Variants in ATP9A observed in about 807,000 individuals in gnomAD.
ATP9A encodes ATPase phospholipid transporting 9A.
Under a neutral mutation model 144.1 loss-of-function variants are expected in ATP9A, and 52 were observed. That is an observed-to-expected ratio of 0.36 (90% CI 0.29 to 0.45). ATP9A has a LOEUF of 0.45. Among genes scored for constraint, ATP9A ranks in the 20% least tolerant of loss-of-function variants. The pLI is 1.00. For missense variants in ATP9A, 947 were observed against 1,392.7 expected (o/e 0.68, Z 5.09); for synonymous variants, 582 against 557.4 (o/e 1.04, Z -0.62).
chr20:51,637,415 G>A (rs1009740), intron 15 of ATP9A, among the ~76,000 whole-genome samples: 34,373 of 151,222 alleles, frequency 0.23, 4,364 homozygotes, highest in South Asian at 0.41. Flanking sequence ...CTAGGCACAG[G>A]AGACACGGGA....
At chr20:51,767,214 C>T (rs1470998018) in intron 1 of ATP9A, among the ~76,000 whole-genome samples, 1 of 152,078 alleles carries the variant, frequency 6.6e-6, no homozygotes, top group Non-Finnish European at 1.5e-5. Context: ...GGACCAGACG[C>T]CCGAGGAAGG....
At chr20:51,671,792 T>C (rs192620411) in intron 11 of ATP9A, among the ~76,000 whole-genome samples, 4 of 152,002 alleles carry the variant, frequency 2.6e-5, no homozygotes, top group Admixed American at 6.6e-5. Context: ...TACATTTCTA[T>C]GAATTTGACT....
At chr20:51,647,032 T>C (rs1183642998) in intron 14 of ATP9A, among the ~76,000 whole-genome samples, 2 of 151,968 alleles carry the variant, frequency 1.3e-5, no homozygotes, top group Admixed American at 6.6e-5. Context: ...GGCAGCGGAA[T>C]TGCTTGAACC....
intron 9 of ATP9A, among the ~76,000 whole-genome samples, chr20:51,684,329 A>C (rs2077512867): frequency 6.6e-6 from 1 of 152,214 alleles, no homozygotes; most frequent in East Asian, 1.9e-4. Context: ...AATTCTTACA[A>C]ATTATTTTTT....
At chr20:51,663,933 AAAAAT>A (rs1480765853) in intron 13 of ATP9A, among the ~76,000 whole-genome samples, 1 of 152,210 alleles carries the variant, frequency 6.6e-6, no homozygotes, top group Non-Finnish European at 1.5e-5. Context: ...TTGTGTGTAG[AAAAAT>A]AAATCACAAA....
At chr20:51,634,410 A>G (rs1402142251) in intron 15 of ATP9A, among the ~76,000 whole-genome samples, 1 of 152,162 alleles carries the variant, frequency 6.6e-6, no homozygotes, top group Non-Finnish European at 1.5e-5. Flanking sequence ...CACACTCAAG[A>G]TACGGTTTAG....
Position 51,695,989 on chromosome 20 carries a change from G to T in ATP9A, c.547+104C>A, listed in dbSNP as rs906614546. The T allele has an allele frequency of 1.3e-5, 14 of 1,071,342 alleles. No homozygotes were observed. In the Admixed American group the frequency reaches 2.4e-4, roughly 19 times the overall value. The allele number at this position is 1,071,342 out of a possible 1,614,324, so 66.4% of individuals were successfully genotyped here. A position where few individuals can be genotyped will look rare whatever the true frequency, so the allele number is the denominator to read the frequency against. Reference sequence around the variant, plus strand: ...AAGATGCTTTTGATTTGCCTCCATGGCTCCAAAATGATAATCTACTTTGTG... The same window carrying T: ...AAGATGCTTTTGATTTGCCTCCATGTCTCCAAAATGATAATCTACTTTGTG... On this transcript the variant is annotated intron_variant, in intron 6 of 27. Coordinates refer to ENST00000338821, the MANE Select transcript of ATP9A (RefSeq NM_006045.3).
chr20:51,617,477 G>A lies in ATP9A; in HGVS notation c.2415+13C>T. 2 of 1,606,896 alleles carry A rather than the reference G, an allele frequency of 1.2e-6. No homozygotes were observed. The highest frequency in any genetic ancestry group is 1.7e-6 in the Non-Finnish European group (2 of 1,176,636). ...TACAGCAAGTGGAGCCGAGCAGAGG[G>A]AAACACTCTCACCTTTCCTTCCACT... On this transcript the variant is annotated intron_variant, in intron 22 of 27. Transcript: ENST00000338821.
intron 22 of ATP9A, 109 bp from the exon 23 acceptor site, chr20:51,613,941 A>G: frequency 2.5e-6 from 3 of 1,205,618 alleles, no homozygotes; most frequent in African/African-American, 1.5e-5. Context: ...AAGAACTTCA[A>G]GAAAGAAATT....
At chr20:51,638,103 A>C (rs1181198032) in intron 15 of ATP9A, among the ~76,000 whole-genome samples, 1 of 74,426 alleles carries the variant, frequency 1.3e-5, no homozygotes, top group Non-Finnish European at 2.8e-5. Context: ...ATATATATAT[A>C]TATATATATA....
At chr20:51,639,170 G>C (rs1375610158) in intron 15 of ATP9A, among the ~76,000 whole-genome samples, 173 bp downstream of exon 15, 1 of 152,156 alleles carries the variant, frequency 6.6e-6, no homozygotes, top group African/African-American at 2.4e-5. Context: ...GAGTTACGGG[G>C]TGTGTCCAAT....
intron 9 of ATP9A, among the ~76,000 whole-genome samples, chr20:51,687,562 G>T (rs545967645): frequency 3.9e-4 from 59 of 152,236 alleles, no homozygotes; most frequent in Non-Finnish European, 7.6e-4. Flanking sequence ...CTGAGAGTTT[G>T]AGACCAGCCT....
intron 26 of ATP9A, among the ~76,000 whole-genome samples, chr20:51,605,858 A>G (rs1426432208): frequency 6.6e-6 from 1 of 151,844 alleles, no homozygotes; most frequent in African/African-American, 2.4e-5. Context: ...AGTTGCAGTA[A>G]GCCGAGATCG....
At position 51,694,227 on chromosome 20, in the gene ATP9A, T is replaced by A. The variant is rs576070035; in HGVS notation, c.548-125A>T. On this transcript the variant is annotated intron_variant, in intron 6 of 27. Coordinates refer to ENST00000338821, the MANE Select transcript of ATP9A (RefSeq NM_006045.3). ...AATGGCCAGCGACCACAAGAGAAAA[T>A]ACATATCCTATCTCCTACTTCTTCC... 22 of 644,624 alleles carry A rather than the reference T, an allele frequency of 3.4e-5. No individual in the cohort carries two copies. In the South Asian group the frequency reaches 4.1e-4, roughly 12 times the overall value. The allele number at this position is 644,624 out of a possible 1,614,324, so 39.9% of individuals were successfully genotyped here.
At chr20:51,651,616 C>T (rs761874868) in intron 14 of ATP9A, among the ~76,000 whole-genome samples, 4 of 151,000 alleles carry the variant, frequency 2.6e-5, no homozygotes, top group Non-Finnish European at 5.9e-5. Context: ...GTAGTGAAGA[C>T]ATTAGTACTT....
At chr20:51,692,394 A>AG (rs1484289766) in intron 7 of ATP9A, among the ~76,000 whole-genome samples, 1 of 152,214 alleles carries the variant, frequency 6.6e-6, no homozygotes, top group Non-Finnish European at 1.5e-5. Flanking sequence ...AGGCACAGTC[A>AG]GGGGGAGCAG....
At chr20:51,717,329 C>T (rs940969294) in intron 3 of ATP9A, among the ~76,000 whole-genome samples, 3 of 152,180 alleles carry the variant, frequency 2.0e-5, no homozygotes, top group African/African-American at 7.2e-5. Flanking sequence ...TGAAAATTGA[C>T]TCTCTACATA....
intron 13 of ATP9A, among the ~76,000 whole-genome samples, chr20:51,658,327 C>T (rs557776225): frequency 2.6e-5 from 4 of 152,072 alleles, no homozygotes; most frequent in African/African-American, 9.6e-5. Flanking sequence ...GGTGTGGTGG[C>T]ACTGTAATCC....
rs183251028 is a variant in ATP9A, at chr20:51,636,865, G to A, written c.1668+2478C>T. On this transcript the variant is annotated intron_variant, in intron 15 of 27. Coordinates refer to ENST00000338821, the MANE Select transcript of ATP9A (RefSeq NM_006045.3). ...AACACTTTGGGAGGCCAAGGTGGGC[G>A]GATTGCTTGATGTCAGGAGTTCCAG... Among the ~76,000 whole-genome samples, 42 of 152,348 alleles carry A rather than the reference G, an allele frequency of 2.8e-4. 2 individuals carry two copies. The South Asian group carries it at 6.0e-3, about 22-fold the overall frequency.
Sources: gnomAD v4.1 joint callset for allele counts (sites outside exome capture counted in the v4.1 genomes callset) on GRCh38, gnomAD v4.1.1 for gene constraint, MANE v1.5 for transcripts, NCBI Gene and HGNC (gene_info 2026-07-23, HGNC 2026-07-21) for gene names.